NBPF11: variants seen among roughly 807,000 people sequenced by gnomAD.
NBPF11 encodes NBPF member 11, also known as NBPF family member NBPF11.
A neutral mutation model predicts 93.9 loss-of-function variants in NBPF11; 72 were observed. The observed-to-expected ratio is 0.77, with a 90% CI of 0.63 to 0.93. The LOEUF (loss-of-function observed/expected upper bound fraction) is 0.93, where lower values mean the gene tolerates loss of function less well. Ranked by LOEUF, NBPF11 falls within the 40% of genes least tolerant of loss-of-function variation. NBPF11 has a pLI of 0.00. For missense variants in NBPF11, 705 were observed against 802.2 expected (o/e 0.88, Z 1.46); for synonymous variants, 224 against 304.9 (o/e 0.73, Z 2.76).
rs1161697174 is a variant in NBPF11, at chr1:148,144,741, G to A, written c.-548-1055C>T. ...TAATCCCAACACTTTGGGATGCCAAGGTGTGACAATCAACTGAGCCCAAGT... is the reference window on the plus strand; with the variant it reads ...TAATCCCAACACTTTGGGATGCCAAAGTGTGACAATCAACTGAGCCCAAGT... On this transcript the variant is annotated intron_variant, in intron 1 of 23. Transcript: ENST00000682118. Among the ~76,000 whole-genome samples, 53 of 152,126 alleles carry A rather than the reference G, an allele frequency of 3.5e-4. No homozygotes were observed. The East Asian group carries it at 7.9e-3, about 23-fold the overall frequency.
intron 1 of NBPF11, among the ~76,000 whole-genome samples, chr1:148,143,990 T>A (rs1472576228): frequency 6.6e-6 from 1 of 150,812 alleles, no homozygotes; most frequent in Non-Finnish European, 1.5e-5. Flanking sequence ...AGCCTTGAGT[T>A]AGAGGTTAGT....
At position 148,149,928 on chromosome 1, in the gene NBPF11, A is replaced by G. The variant is rs1409412769; in HGVS notation, c.-549+1822T>C. 1.3e-3 allele frequency among the ~76,000 whole-genome samples: 198 copies of G among 152,046 alleles called. No homozygotes were observed. In the Middle Eastern group the frequency reaches 0.027, roughly 21 times the overall value. On this transcript the variant is annotated intron_variant, in intron 1 of 23. Transcript: ENST00000682118. ...ACTGCACCTCTACGAGAATAACAAA[A>G]TAATTTTTAACTGACAAGCATCAGC...
chr1:148,143,275 T>C (rs4098505), intron 2 of NBPF11, 140 bp downstream of exon 2: 7 of 440,110 alleles, frequency 1.6e-5, no homozygotes, highest in African/African-American at 2.2e-5. Context: ...TCATTTAACA[T>C]ATATTTATTT....
intron 2 of NBPF11, among the ~76,000 whole-genome samples, chr1:148,140,256 C>A (rs1327410867): frequency 6.6e-5 from 10 of 151,918 alleles, no homozygotes; most frequent in Admixed American, 3.9e-4. Context: ...TCCAGGTATG[C>A]ATGTTATATC....
intron 2 of NBPF11, among the ~76,000 whole-genome samples, chr1:148,138,360 C>G (rs1299819437): frequency 6.6e-6 from 1 of 151,280 alleles, no homozygotes; most frequent in Non-Finnish European, 1.5e-5. Flanking sequence ...TCCTCTTTTA[C>G]TAATCCTCCT....
intron 1 of NBPF11, among the ~76,000 whole-genome samples, chr1:148,146,078 G>A (rs1235878797): frequency 1.3e-5 from 2 of 151,990 alleles, no homozygotes; most frequent in Non-Finnish European, 1.5e-5. Context: ...GCAGGGGTGC[G>A]GAGGGACCGA....
Position 148,126,858 on chromosome 1 carries a change from C to G in NBPF11, c.146G>C (p.Gly49Ala). The G allele has an allele frequency of 1.3e-6, 2 of 1,515,018 alleles. No individual in the cohort carries two copies. Among genetic ancestry groups the G allele is most frequent in the Admixed American group, 3.4e-5 (2 of 58,684 alleles). 93.8% of individuals were successfully genotyped at this position (1,515,018 alleles called of 1,614,324 possible). Residue 49 changes from glycine to alanine, a missense_variant, in exon 5 of 24, where the codon GGC becomes GCC. Physicochemically the swap from Gly to Ala is moderately conservative, Grantham distance 60 (BLOSUM62 0). Around this residue, in one of 12 missense-constraint regions of NBPF11, gnomAD observed 128 missense variants for 112.8 expected, o/e 1.14. Transcript: ENST00000682118. The part of the protein sequence containing the change: ...KERCFLTQLA[G>A]FLANRQKKYK... Reference sequence around the variant, plus strand: ...TTTCTTCTGTCGGTTGGCCAGGAAGCCGGCCAGTTGAGTTAGAAAACATCT... The same window carrying G: ...TTTCTTCTGTCGGTTGGCCAGGAAGGCGGCCAGTTGAGTTAGAAAACATCT...
chr1:148,103,601 A>T lies in NBPF11; in HGVS notation c.*295T>A, dbSNP rs2149155695. On this transcript the variant is annotated 3_prime_UTR_variant, in exon 24 of 24. Transcript: ENST00000682118. Reference sequence around the variant, plus strand: ...GGCTTCCAAATGGAACTATAGTTTCATTCAAATCTTCAGGTGCCTATAGGT... The same window carrying T: ...GGCTTCCAAATGGAACTATAGTTTCTTTCAAATCTTCAGGTGCCTATAGGT... 5.0e-6 allele frequency: 8 copies of T among 1,609,600 alleles called. No individual in the cohort carries two copies. The South Asian group carries it at 8.8e-5, about 18-fold the overall frequency.
chr1:148,151,001 C>T (rs1202532755), intron 1 of NBPF11, among the ~76,000 whole-genome samples: 8 of 151,880 alleles, frequency 5.3e-5, no homozygotes, highest in Middle Eastern at 3.4e-3. Flanking sequence ...TGCTTCTTTT[C>T]GAAAGCAGCT....
intron 1 of NBPF11, among the ~76,000 whole-genome samples, chr1:148,151,346 C>T (rs1479236445): frequency 3.3e-5 from 5 of 151,976 alleles, no homozygotes; most frequent in Non-Finnish European, 5.9e-5. Context: ...CCAATAAAGA[C>T]CCCAACTTTG....
chr1:148,108,318 T>G (rs1462323194), intron 18 of NBPF11, among the ~76,000 whole-genome samples, 164 bp downstream of exon 18: 1 of 151,260 alleles, frequency 6.6e-6, no homozygotes, highest in Non-Finnish European at 1.5e-5. Context: ...ATCCCTTGTC[T>G]GGGCTTCCAA....
rs112249281 is a variant in NBPF11, at chr1:148,122,815, A to G, written c.494-14T>C. 1.9e-6 allele frequency: 3 copies of G among 1,609,764 alleles called. No individual in the cohort carries two copies. Among genetic ancestry groups the G allele is most frequent in the Non-Finnish European group, 2.5e-6 (3 of 1,177,902 alleles). ...CTTCGTCATTTTCTATAAATACAAA[A>G]TGTTCGTTCAGATATTTCCCACTTC... On this transcript the variant is annotated splice_polypyrimidine_tract_variant and intron_variant, in intron 7 of 23. Coordinates refer to ENST00000682118, the MANE Select transcript of NBPF11 (RefSeq NM_001385469.3).
At chr1:148,104,038 A>G in intron 23 of NBPF11, 126 bp from the exon 24 acceptor site, 1 of 1,591,056 alleles carries the variant, frequency 6.3e-7, no homozygotes, top group Non-Finnish European at 8.6e-7. Flanking sequence ...TTAATGAGGT[A>G]ACAAATTATT....
intron 15 of NBPF11, among the ~76,000 whole-genome samples, chr1:148,111,722 T>C (rs1467315382): frequency 2.0e-4 from 31 of 151,672 alleles, no homozygotes; most frequent in African/African-American, 7.1e-4. Flanking sequence ...TAAAAAGAAA[T>C]GAACAAGCCT....
chr1:148,109,529 G>A (rs2149186620), intron 16 of NBPF11, 194 bp from the exon 17 acceptor site: 1 of 636,976 alleles, frequency 1.6e-6, no homozygotes, highest in East Asian at 2.6e-5. Flanking sequence ...TGAGCCTTGG[G>A]CAAAATTCCC....
intron 9 of NBPF11, among the ~76,000 whole-genome samples, chr1:148,121,232 TG>T (rs1231468039): frequency 1.3e-5 from 2 of 151,644 alleles, no homozygotes. Flanking sequence ...TTAGTAGAGA[TG>T]GGGTTTCGCC....
chr1:148,132,256 G>T (rs201885219), intron 4 of NBPF11, among the ~76,000 whole-genome samples: 21,471 of 121,968 alleles, frequency 0.18, 1,219 homozygotes, highest in East Asian at 0.3. Flanking sequence ...TGTGTGTGTG[G>T]GGGTGTGTAT....
At chr1:148,121,823 C>T (rs1429845279) in intron 9 of NBPF11, among the ~76,000 whole-genome samples, 13 of 151,910 alleles carry the variant, frequency 8.6e-5, no homozygotes, top group South Asian at 4.1e-4. Flanking sequence ...TTGTATTCTT[C>T]GTAAAGATGG....
At chr1:148,125,967 C>T (rs1167773784) in intron 5 of NBPF11, among the ~76,000 whole-genome samples, 1 of 151,918 alleles carries the variant, frequency 6.6e-6, no homozygotes, top group Non-Finnish European at 1.5e-5. Flanking sequence ...CCAAGGTACT[C>T]TCTGCTTTTT....
Sources: gnomAD v4.1 joint callset for allele counts (sites outside exome capture counted in the v4.1 genomes callset) on GRCh38, gnomAD v4.1.1 for gene constraint, gnomAD v4.1.1 regional missense constraint, MANE v1.5 for transcripts, NCBI Gene and HGNC (gene_info 2026-07-23, HGNC 2026-07-21) for gene names.